The following PAM variants were observed in gnomAD, a reference collection of about 807,000 sequenced individuals.
PAM encodes the protein peptidylglycine alpha-amidating monooxygenase.
Under a neutral mutation model 122.1 loss-of-function variants are expected in PAM, and 72 were observed. The observed-to-expected ratio is 0.59, with a 90% CI of 0.49 to 0.72. The LOEUF (loss-of-function observed/expected upper bound fraction) is 0.72. Among genes scored for constraint, PAM ranks in the 30% least tolerant of loss-of-function variants. PAM has a pLI of 0.00. For missense variants in PAM, 1,106 were observed against 1,183.7 expected, an observed-to-expected ratio of 0.93 and a Z score of 0.96; for synonymous variants, 389 against 404.4, an observed-to-expected ratio of 0.96 and a Z score of 0.46.
At chr5:102,859,185 A>T (rs569749803) in intron 1 of PAM, among the ~76,000 whole-genome samples, 2 of 152,210 alleles carry the variant, frequency 1.3e-5, no homozygotes, top group African/African-American at 4.8e-5. Flanking sequence ...AAACAGCCTC[A>T]GGCAGGTTTT....
chr5:102,949,279 A>C (rs551469339), intron 9 of PAM, among the ~76,000 whole-genome samples: 1 of 152,268 alleles, frequency 6.6e-6, no homozygotes, highest in African/African-American at 2.4e-5. Context: ...AATTAAGCCT[A>C]TGTTTTCACT....
At chr5:102,824,082 C>T (rs143045675) in intron 1 of PAM, among the ~76,000 whole-genome samples, 3 of 152,188 alleles carry the variant, frequency 2.0e-5, no homozygotes, top group Non-Finnish European at 2.9e-5. Context: ...ACAAAACTAG[C>T]GGATGGTTTA....
At position 103,009,802 on chromosome 5, in the gene PAM, T is replaced by C. The variant is rs762543056; in HGVS notation, c.2267T>C (p.Val756Ala). Residue 756 changes from valine to alanine, a missense_variant, in exon 21 of 26, where the codon GTA becomes GCA. By Grantham distance (64) the Val-to-Ala change is moderately conservative. This residue lies in a region of PAM where 333 missense variants were observed against 335.6 expected (regional missense o/e 0.99). Coordinates refer to ENST00000438793, the MANE Select transcript of PAM (RefSeq NM_001177306.2). ...GKPHFGDQEP[V>A]QGFVMNFSNG... The stretch of plus-strand genomic sequence containing the variant: ...CCTCATTTTGGGGACCAAGAACCTG[T>C]ACAAGGATTTGTGATGAACTTTTCC... 1.9e-6 allele frequency: 3 copies of C among 1,612,760 alleles called. No homozygotes were observed. Among genetic ancestry groups the C allele is most frequent in the African/African-American group, 1.3e-5 (1 of 74,994 alleles).
chr5:102,931,807 ACTCTCTCTCT>A (rs60775669), intron 7 of PAM, among the ~76,000 whole-genome samples: 2 of 141,350 alleles, frequency 1.4e-5, no homozygotes, highest in Non-Finnish European at 3.1e-5. Flanking sequence ...CAAACAACAC[ACTCTCTCTCT>A]CTCTCTCTCT....
At chr5:102,775,359 TG>T in intron 1 of PAM, among the ~76,000 whole-genome samples, 1 of 151,884 alleles carries the variant, frequency 6.6e-6, no homozygotes, top group East Asian at 2.0e-4. Context: ...TTTTAAGTTC[TG>T]GGATACATGT....
At chr5:103,020,265 A>T (rs1033924961) in intron 23 of PAM, among the ~76,000 whole-genome samples, 1 of 152,114 alleles carries the variant, frequency 6.6e-6, no homozygotes, top group African/African-American at 2.4e-5. Flanking sequence ...TCAGTGCTAT[A>T]ATGGTATGGA....
At chr5:102,983,909 C>A (rs1018201988) in intron 15 of PAM, among the ~76,000 whole-genome samples, 1 of 152,158 alleles carries the variant, frequency 6.6e-6, no homozygotes, top group Non-Finnish European at 1.5e-5. Flanking sequence ...AAGCAAAAAA[C>A]AATTCATCCA....
At chr5:102,967,541 A>C (rs1439526072) in intron 14 of PAM, among the ~76,000 whole-genome samples, 1 of 152,192 alleles carries the variant, frequency 6.6e-6, no homozygotes, top group Non-Finnish European at 1.5e-5. Context: ...TAATCTCTGG[A>C]ACTATGACAA....
intron 7 of PAM, among the ~76,000 whole-genome samples, chr5:102,937,836 GT>G (rs1234804108): frequency 1.3e-5 from 2 of 152,114 alleles, no homozygotes; most frequent in African/African-American, 4.8e-5. Context: ...TAGAGTCACT[GT>G]TTTTAAAAGT....
chr5:102,924,353 A>G (rs1748573853), intron 5 of PAM, among the ~76,000 whole-genome samples: 2 of 151,108 alleles, frequency 1.3e-5, no homozygotes, highest in South Asian at 4.2e-4. Context: ...GAATCGCTTG[A>G]ACCCAGGAGG....
At chr5:102,839,536 CAAAAA>C (rs34092506) in intron 1 of PAM, among the ~76,000 whole-genome samples, 21 of 81,174 alleles carry the variant, frequency 2.6e-4, no homozygotes, top group South Asian at 2.4e-3. Context: ...GGCTCAGTCT[CAAAAA>C]AAAAAAAAAA....
At chr5:102,972,705 T>C (rs1006188120) in intron 14 of PAM, among the ~76,000 whole-genome samples, 8 of 152,236 alleles carry the variant, frequency 5.3e-5, no homozygotes, top group Non-Finnish European at 7.3e-5. Flanking sequence ...CACGAGAATT[T>C]AGCAGTAATG....
intron 20 of PAM, among the ~76,000 whole-genome samples, chr5:103,009,291 T>C (rs1779945404): frequency 6.6e-6 from 1 of 152,194 alleles, no homozygotes; most frequent in Non-Finnish European, 1.5e-5. Flanking sequence ...GATTGTTCTA[T>C]ATAGACTGTA....
chr5:102,860,847 TTAA>T (rs1783974520), intron 1 of PAM, among the ~76,000 whole-genome samples: 1 of 152,066 alleles, frequency 6.6e-6, no homozygotes, highest in African/African-American at 2.4e-5. Context: ...TCATAGCCAC[TTAA>T]TAAAATGCTA....
intron 3 of PAM, among the ~76,000 whole-genome samples, chr5:102,881,689 C>G (rs1219357687): frequency 7.1e-6 from 1 of 141,092 alleles, no homozygotes; most frequent in Non-Finnish European, 1.6e-5. Context: ...GTGATCCTAT[C>G]TTTTTTTTTT....
At chr5:103,002,432 G>A (rs774397638) in intron 16 of PAM, among the ~76,000 whole-genome samples, 16 of 152,128 alleles carry the variant, frequency 1.1e-4, no homozygotes, top group Non-Finnish European at 1.8e-4. Flanking sequence ...TATTTGGTAA[G>A]TTTTATGCCT....
intron 1 of PAM, among the ~76,000 whole-genome samples, chr5:102,829,000 T>C (rs1390122206): frequency 6.6e-6 from 1 of 150,466 alleles, no homozygotes; most frequent in African/African-American, 2.4e-5. Context: ...GCAATCCTCA[T>C]CTCAGCTTCC....
At chr5:102,764,504 G>A (rs1011025550) in intron 1 of PAM, among the ~76,000 whole-genome samples, 6 of 152,016 alleles carry the variant, frequency 3.9e-5, no homozygotes, top group African/African-American at 1.2e-4. Context: ...AAGATATTGA[G>A]GCTGGAACAA....
At chr5:102,991,779 T>C (rs1317590018) in intron 16 of PAM, among the ~76,000 whole-genome samples, 1 of 152,166 alleles carries the variant, frequency 6.6e-6, no homozygotes, top group Non-Finnish European at 1.5e-5. Context: ...ATCGTCTTAG[T>C]CATTATTGAA....
Sources: allele counts gnomAD v4.1 joint callset (sites outside exome capture counted in the v4.1 genomes callset), GRCh38; gene constraint gnomAD v4.1.1; regional missense constraint gnomAD v4.1.1; transcripts MANE v1.5; gene names NCBI Gene and HGNC (gene_info 2026-07-23, HGNC 2026-07-21).